Variants in EVC observed in about 807,000 individuals in gnomAD.
EVC encodes EvC ciliary complex subunit 1, also known as evC complex member EVC.
Under a neutral mutation model 118.9 loss-of-function variants are expected in EVC, and 116 were observed. The observed-to-expected ratio is 0.98, with a 90% CI of 0.84 to 1.14. EVC has a LOEUF of 1.14. Ranked by LOEUF, EVC falls within the 50% of genes most tolerant of loss-of-function variation. EVC has a pLI of 0.00. For synonymous variants in EVC, 619 were observed against 534.7 expected (o/e 1.16, Z -2.18); for missense variants, 1,401 against 1,246.4 (o/e 1.12, Z -1.87).
At chr4:5,747,909 G>A (rs938408513) in intron 7 of EVC, among the ~76,000 whole-genome samples, 1 of 152,176 alleles carries the variant, frequency 6.6e-6, no homozygotes, top group Non-Finnish European at 1.5e-5. Context: ...TAGCAGCAGT[G>A]CTCTCGTGTC....
rs1424540049 is a variant in EVC at position 5,794,097 on chromosome 4, A to G, written c.1886+380A>G. ...AATTGTAAAAGATTTCTTGTGCCCA[A>G]TTGCAGCCACTCCCCAATTTATTAT... On this transcript the variant is annotated intron_variant, in intron 13 of 20. Coordinates refer to ENST00000264956, the MANE Select transcript of EVC (RefSeq NM_153717.3). 7.2e-5 allele frequency among the ~76,000 whole-genome samples: 11 copies of G among 151,756 alleles called. No individual in the cohort carries two copies. The East Asian group carries it at 9.7e-4, about 13-fold the overall frequency.
chr4:5,752,546 G>T, intron 8 of EVC: 2 of 512,734 alleles, frequency 3.9e-6, no homozygotes, highest in East Asian at 3.5e-5. Context: ...TGTAAATCTG[G>T]ATTCCCTCCT....
chr4:5,828,935 C>T, the EVC span, among the ~76,000 whole-genome samples: 1 of 144,918 alleles, frequency 6.9e-6, no homozygotes, highest in Non-Finnish European at 1.5e-5. Flanking sequence ...GAAGGGGGTC[C>T]CCCGGGGTTA....
chr4:5,722,313 T>G (rs1725093603), intron 2 of EVC, among the ~76,000 whole-genome samples: 1 of 152,230 alleles, frequency 6.6e-6, no homozygotes, highest in African/African-American at 2.4e-5. Context: ...TAGTAATGTC[T>G]TGTTCACTAT....
chr4:5,787,809 C>T (rs1052319058), intron 12 of EVC, among the ~76,000 whole-genome samples: 4 of 152,122 alleles, frequency 2.6e-5, no homozygotes, highest in Non-Finnish European at 5.9e-5. Flanking sequence ...CTCCCCACCT[C>T]ACTCTCCTCT....
intron 5 of EVC, among the ~76,000 whole-genome samples, chr4:5,739,068 T>G (rs967485863): frequency 5.3e-5 from 8 of 152,192 alleles, no homozygotes; most frequent in African/African-American, 1.9e-4. Context: ...GATATTCACC[T>G]TACTGAGGTG....
At chr4:5,768,940 T>TGCTG (rs889407093) in intron 11 of EVC, among the ~76,000 whole-genome samples, 11 of 152,098 alleles carry the variant, frequency 7.2e-5, no homozygotes, top group African/African-American at 2.4e-4. Flanking sequence ...TACCCTGCCT[T>TGCTG]GCTGGCTGGC....
intron 7 of EVC, among the ~76,000 whole-genome samples, chr4:5,747,153 G>T (rs535259906): frequency 1.3e-5 from 2 of 152,242 alleles, no homozygotes; most frequent in African/African-American, 4.8e-5. Flanking sequence ...CATTGATGAG[G>T]GGTGTTCATC....
At chr4:5,725,070 G>A (rs1181022664) in intron 2 of EVC, among the ~76,000 whole-genome samples, 4 of 152,108 alleles carry the variant, frequency 2.6e-5, no homozygotes, top group Admixed American at 2.0e-4. Flanking sequence ...TCCTTTTTAT[G>A]GCTGCATAGC....
chr4:5,807,929 C>G (rs1362957286), intron 17 of EVC, among the ~76,000 whole-genome samples: 18 of 152,202 alleles, frequency 1.2e-4, no homozygotes, highest in Admixed American at 8.5e-4. Context: ...CTCTGTCCTG[C>G]TGGTGTCATG....
At chr4:5,750,806 A>G (rs1203496115) in intron 8 of EVC, among the ~76,000 whole-genome samples, 3 of 152,176 alleles carry the variant, frequency 2.0e-5, no homozygotes, top group Non-Finnish European at 2.9e-5. Flanking sequence ...ATGCATGGAC[A>G]GGGCTACACA....
chr4:5,783,211 A>G (rs1295735551), intron 11 of EVC, among the ~76,000 whole-genome samples: 2 of 151,998 alleles, frequency 1.3e-5, no homozygotes, highest in Admixed American at 6.6e-5. Context: ...GCATGGATCA[A>G]ATGTGAACGA....
intron 2 of EVC, 22 bp from the exon 3 acceptor site, chr4:5,729,285 C>T (rs1241977769): frequency 7.4e-6 from 12 of 1,612,042 alleles, no homozygotes; most frequent in Admixed American, 3.3e-5. Context: ...TTTCCCATGC[C>T]GTTTGTGTCT....
At chr4:5,715,550 T>C (rs1409982429) in intron 1 of EVC, among the ~76,000 whole-genome samples, 1 of 152,162 alleles carries the variant, frequency 6.6e-6, no homozygotes, top group African/African-American at 2.4e-5. Flanking sequence ...GGCACTCCCC[T>C]TTTGTTAGGT....
chr4:5,827,667 CAT>C, the EVC span, among the ~76,000 whole-genome samples: 2 of 151,848 alleles, frequency 1.3e-5, no homozygotes, highest in East Asian at 3.9e-4. Flanking sequence ...CATATGCACA[CAT>C]ACACACGTGC....
chr4:5,716,962 C>T (rs915287480), intron 1 of EVC, among the ~76,000 whole-genome samples: 2 of 152,198 alleles, frequency 1.3e-5, no homozygotes, highest in African/African-American at 2.4e-5. Context: ...AATTGCACCA[C>T]GATGGTGTTG....
chr4:5,824,152 G>T, the EVC span: 1 of 238,060 alleles, frequency 4.2e-6, no homozygotes, highest in Non-Finnish European at 6.8e-6. Context: ...AATTGCAATT[G>T]TGCAGTGTTT....
the EVC span, chr4:5,824,668 T>G: frequency 1.0e-6 from 1 of 962,826 alleles, no homozygotes; most frequent in South Asian, 4.8e-5. Context: ...ATCCTAGATG[T>G]TGACATCCTA....
intron 3 of EVC, among the ~76,000 whole-genome samples, chr4:5,729,952 A>G (rs544341085): frequency 5.9e-5 from 9 of 152,240 alleles, no homozygotes; most frequent in Non-Finnish European, 1.3e-4. Context: ...TACACCTTCC[A>G]TGGCGCTTCC....
Sources: gnomAD v4.1 joint callset for allele counts (sites outside exome capture counted in the v4.1 genomes callset) on GRCh38, gnomAD v4.1.1 for gene constraint, MANE v1.5 for transcripts, NCBI Gene and HGNC (gene_info 2026-07-23, HGNC 2026-07-21) for gene names.